The following ACAT1 variants were observed in gnomAD, a reference collection of about 807,000 sequenced individuals.
The protein encoded by ACAT1 is acetyl-CoA acetyltransferase 1, also known as acetyl-CoA acetyltransferase, mitochondrial.
In ACAT1, 28 loss-of-function variants were observed where a neutral mutation model predicts 47.3. The ratio of observed to expected loss-of-function variants is 0.59; its 90% CI spans 0.44 to 0.81. The LOEUF is 0.81. ACAT1 is among the 30% of genes least tolerant of loss of function. ACAT1 has a pLI of 0.00. For synonymous variants in ACAT1, 181 were observed against 173.6 expected, an observed-to-expected ratio of 1.04 and a Z score of -0.34; for missense variants, 469 against 524.3, an observed-to-expected ratio of 0.89 and a Z score of 1.03.
intron 6 of ACAT1, 82 bp downstream of exon 6, chr11:108,139,123 G>C: frequency 6.5e-7 from 1 of 1,541,572 alleles, no homozygotes; most frequent in Non-Finnish European, 8.9e-7. Flanking sequence ...TTTACAAACT[G>C]AACTGAAAGA....
intron 10 of ACAT1, chr11:108,144,318 C>A (rs2134781917): frequency 2.1e-6 from 1 of 469,352 alleles, no homozygotes; most frequent in Non-Finnish European, 3.8e-6. Flanking sequence ...AGAACTCACA[C>A]ACCTGGTGTG....
Position 108,134,023 on chromosome 11 carries a change from C to G in ACAT1, c.238+86C>G. 4.6e-6 allele frequency: 6 copies of G among 1,310,108 alleles called. No homozygotes were observed. In the Admixed American group the frequency reaches 1.0e-4, roughly 22 times the overall value. 81.2% of individuals were successfully genotyped at this position (1,310,108 alleles called of 1,614,324 possible). A position where few individuals can be genotyped will look rare whatever the true frequency, so the allele number is the denominator to read the frequency against. ...TATTTTGCATTAACTATGTATGTAACACTTAGAAATAACTTAATGCCTACA... is the reference window on the plus strand; with the variant it reads ...TATTTTGCATTAACTATGTATGTAAGACTTAGAAATAACTTAATGCCTACA... On this transcript the variant is annotated intron_variant, in intron 3 of 11. Transcript: ENST00000265838.
At chr11:108,142,346 T>C (rs1258475186) in intron 8 of ACAT1, 91 bp from the exon 9 acceptor site, 2 of 972,520 alleles carry the variant, frequency 2.1e-6, no homozygotes, top group African/African-American at 3.2e-5. Flanking sequence ...TTTAAACATT[T>C]AGCAGCCCAG....
At position 108,133,838 on chromosome 11, in the gene ACAT1, G is replaced by A. The variant is rs115763401; in HGVS notation, c.139G>A (p.Ala47Thr). 3.1e-5 allele frequency: 50 copies of A among 1,613,984 alleles called. No individual in the cohort carries two copies. The African/African-American group carries it at 5.6e-4, about 18-fold the overall frequency. ...PTLKEVVIVS[A>T]TRTPIGSFLG... ...TTGCCAGGAAGTGGTCATAGTAAGT[G>A]CTACAAGAACACCCATTGGATCTTT... The change falls in exon 3 of 12, where the codon GCT becomes ACT. Residue 47 changes from alanine (A) to threonine (T), a missense_variant. Ala to Thr is a moderately conservative substitution (Grantham distance 58). Transcript: ENST00000265838.
At chr11:108,119,497 C>A (rs2077113739), upstream of ACAT1, among the ~76,000 whole-genome samples, 1 of 152,152 alleles carries the variant, frequency 6.6e-6, no homozygotes, top group African/African-American at 2.4e-5. Flanking sequence ...GCGACCACGC[C>A]CAGCCTAACC....
chr11:108,130,316 C>T (rs1193310093), intron 1 of ACAT1, among the ~76,000 whole-genome samples: 2 of 152,058 alleles, frequency 1.3e-5, no homozygotes, highest in Non-Finnish European at 1.5e-5. Flanking sequence ...TTGAGAAAGA[C>T]ATGTGTTTGG....
chr11:108,123,441 C>G (rs2077186921), intron 1 of ACAT1, among the ~76,000 whole-genome samples: 1 of 152,180 alleles, frequency 6.6e-6, no homozygotes, highest in Non-Finnish European at 1.5e-5. Flanking sequence ...AATTTGACCT[C>G]TCATTACATT....
chr11:108,116,895 C>A (rs950130816), upstream of ACAT1, among the ~76,000 whole-genome samples: 1 of 152,054 alleles, frequency 6.6e-6, no homozygotes, highest in South Asian at 2.1e-4. Context: ...ACTCCAGCCT[C>A]CAGAACTGTA....
At chr11:108,124,354 C>T (rs1013617579) in intron 1 of ACAT1, among the ~76,000 whole-genome samples, 37 of 152,324 alleles carry the variant, frequency 2.4e-4, no homozygotes, top group African/African-American at 8.9e-4. Context: ...ACCTTGGCCT[C>T]CCGGGTTCAA....
At chr11:108,138,746 AAGTGGT>A in intron 5 of ACAT1, 146 bp from the exon 6 acceptor site, 1 of 873,648 alleles carries the variant, frequency 1.1e-6, no homozygotes. Context: ...CATCAGGGTG[AAGTGGT>A]AAAGAGGGTA....
chr11:108,138,842 C>G, intron 5 of ACAT1, 56 bp from the exon 6 acceptor site: 1 of 1,607,928 alleles, frequency 6.2e-7, no homozygotes, highest in Non-Finnish European at 8.5e-7. Context: ...TAAAGGGTGT[C>G]ATGGGTTTGC....
At chr11:108,118,982 A>G (rs547975137), upstream of ACAT1, among the ~76,000 whole-genome samples, 1 of 152,282 alleles carries the variant, frequency 6.6e-6, no homozygotes, top group South Asian at 2.1e-4. Flanking sequence ...AGACACAACT[A>G]GTGTAGTGAG....
intron 9 of ACAT1, 34 bp downstream of exon 9, chr11:108,142,584 C>G: frequency 6.5e-7 from 1 of 1,548,384 alleles, no homozygotes; most frequent in Non-Finnish European, 8.9e-7. Flanking sequence ...CACCTGTAAT[C>G]CCAGCACTTT....
At chr11:108,137,174 G>A (rs550242812) in intron 5 of ACAT1, among the ~76,000 whole-genome samples, 1 of 152,300 alleles carries the variant, frequency 6.6e-6, no homozygotes, top group African/African-American at 2.4e-5. Context: ...AGAAAGGATA[G>A]AAATAAATGG....
chr11:108,118,380 CT>C (rs879572051), upstream of ACAT1, among the ~76,000 whole-genome samples: 488 of 146,764 alleles, frequency 3.3e-3, 4 homozygotes, highest in African/African-American at 9.7e-3. Flanking sequence ...TAGTCACTTT[CT>C]TTTTTTTTTT....
chr11:108,132,181 A>G (rs1472539203), intron 2 of ACAT1, among the ~76,000 whole-genome samples: 1 of 152,170 alleles, frequency 6.6e-6, no homozygotes, highest in Non-Finnish European at 1.5e-5. Context: ...GCTACAAAAC[A>G]ACATTCCCTC....
At position 108,131,729 on chromosome 11, in the gene ACAT1, AT is replaced by A. The variant is rs1182087901; in HGVS notation, c.73-176del. Reference sequence around the variant, plus strand: ...AATGAATAGTTAATTAGAAAAGTTTATTATAAAGCAGTCATTTTTTTCTAAT... The same window carrying A: ...AATGAATAGTTAATTAGAAAAGTTTATATAAAGCAGTCATTTTTTTCTAAT... On this transcript the variant is annotated intron_variant, in intron 1 of 11. Transcript: ENST00000265838. 2.6e-5 allele frequency among the ~76,000 whole-genome samples: 4 copies of A among 152,290 alleles called. No homozygotes were observed. The East Asian group carries it at 7.7e-4, about 29-fold the overall frequency.
intron 2 of ACAT1, among the ~76,000 whole-genome samples, chr11:108,132,526 C>T (rs1179853838): frequency 4.6e-5 from 7 of 152,158 alleles, no homozygotes; most frequent in African/African-American, 1.7e-4. Context: ...TCTTCTTTTG[C>T]TTAAAGTTCA....
At chr11:108,145,803 G>C (rs2077694898) in intron 10 of ACAT1, among the ~76,000 whole-genome samples, 1 of 152,344 alleles carries the variant, frequency 6.6e-6, no homozygotes, top group Admixed American at 6.5e-5. Context: ...CCAGCACTTT[G>C]GGAGGCTGAA....
Sources: allele counts gnomAD v4.1 joint callset (sites outside exome capture counted in the v4.1 genomes callset), GRCh38; gene constraint gnomAD v4.1.1; transcripts MANE v1.5; gene names NCBI Gene and HGNC (gene_info 2026-07-23, HGNC 2026-07-21).